The following ERBB4 variants were observed in gnomAD, a reference collection of about 807,000 sequenced individuals.
ERBB4 encodes the protein erb-b2 receptor tyrosine kinase 4.
ERBB4 carries 42 observed loss-of-function variants against 158.0 expected under a neutral mutation model. The observed-to-expected ratio is 0.27, with a 90% CI of 0.21 to 0.34. The LOEUF (loss-of-function observed/expected upper bound fraction) is 0.34. Ranked by LOEUF, ERBB4 falls within the 10% of genes least tolerant of loss-of-function variation. The probability of loss-of-function intolerance (pLI) is 1.00; values close to 1 mark genes in which losing one functional copy is unlikely to be tolerated. For synonymous variants in ERBB4, 583 were observed against 558.7 expected, an observed-to-expected ratio of 1.04 and a Z score of -0.61; for missense variants, 1,333 against 1,624.1, an observed-to-expected ratio of 0.82 and a Z score of 3.08.
At chr2:211,715,497 G>A (rs1467284940) in intron 7 of ERBB4, among the ~76,000 whole-genome samples, 1 of 152,166 alleles carries the variant, frequency 6.6e-6, no homozygotes, top group Non-Finnish European at 1.5e-5. Context: ...ATATGGTTTG[G>A]ATCTGTGTCC....
At chr2:211,443,857 A>T (rs933823092) in intron 20 of ERBB4, among the ~76,000 whole-genome samples, 1 of 152,138 alleles carries the variant, frequency 6.6e-6, no homozygotes, top group Admixed American at 6.6e-5. Flanking sequence ...TTCTTAGAAC[A>T]GTTAAGAGTA....
At chr2:211,897,802 G>A (rs1462957414) in intron 3 of ERBB4, among the ~76,000 whole-genome samples, 1 of 152,014 alleles carries the variant, frequency 6.6e-6, no homozygotes, top group Non-Finnish European at 1.5e-5. Context: ...GGAGTGCAGT[G>A]GCATAATCAT....
At chr2:212,187,759 T>A (rs2082057603) in intron 1 of ERBB4, among the ~76,000 whole-genome samples, 1 of 152,130 alleles carries the variant, frequency 6.6e-6, no homozygotes, top group Non-Finnish European at 1.5e-5. Flanking sequence ...AGCTAGTGTT[T>A]TAGAGGGTAG....
chr2:211,684,053 C>T (rs779726136), intron 12 of ERBB4, among the ~76,000 whole-genome samples: 8 of 151,986 alleles, frequency 5.3e-5, no homozygotes, highest in Non-Finnish European at 7.4e-5. Flanking sequence ...TATTTATTTG[C>T]TATTTAGTGC....
intron 20 of ERBB4, among the ~76,000 whole-genome samples, chr2:211,541,996 A>AG (rs1240202414): frequency 6.6e-6 from 1 of 151,342 alleles, no homozygotes; most frequent in Non-Finnish European, 1.5e-5. Context: ...TAATGGAGGT[A>AG]GGGTCCACAT....
chr2:212,307,621 A>T (rs1286840707), intron 1 of ERBB4, among the ~76,000 whole-genome samples: 1 of 150,950 alleles, frequency 6.6e-6, no homozygotes, highest in Non-Finnish European at 1.5e-5. Context: ...AAGCATAGAG[A>T]ATTGAGGAGA....
At position 211,602,204 on chromosome 2, in the gene ERBB4, C is replaced by T. The variant is rs905803027; in HGVS notation, c.2301+16973G>A. Among the ~76,000 whole-genome samples the T allele has an allele frequency of 3.3e-5, 5 of 152,054 alleles. No individual in the cohort carries two copies. The East Asian group carries it at 5.8e-4, about 18-fold the overall frequency. On this transcript the variant is annotated intron_variant, in intron 19 of 27. Coordinates refer to ENST00000342788, the MANE Select transcript of ERBB4 (RefSeq NM_005235.3). Reference sequence around the variant, plus strand: ...GGCCCAGGACCTGATTTGTCCTCTCCGACCTTAAAGTCTTGGCCTGATGAT... The same window carrying T: ...GGCCCAGGACCTGATTTGTCCTCTCTGACCTTAAAGTCTTGGCCTGATGAT...
intron 4 of ERBB4, among the ~76,000 whole-genome samples, chr2:211,768,040 C>G (rs2075596475): frequency 6.6e-6 from 1 of 152,216 alleles, no homozygotes; most frequent in South Asian, 2.1e-4. Context: ...TTCCTAGATA[C>G]AGTGGGGTTC....
intron 1 of ERBB4, among the ~76,000 whole-genome samples, chr2:212,198,249 T>G (rs903012263): frequency 6.6e-6 from 1 of 152,226 alleles, no homozygotes; most frequent in Non-Finnish European, 1.5e-5. Flanking sequence ...CATTTTTAGA[T>G]GTACAATTCA....
At chr2:212,230,494 C>A (rs1270666514) in intron 1 of ERBB4, among the ~76,000 whole-genome samples, 1 of 152,112 alleles carries the variant, frequency 6.6e-6, no homozygotes, top group African/African-American at 2.4e-5. Flanking sequence ...TTGCCAAATT[C>A]ATTGTCAAAC....
At chr2:211,601,619 C>G (rs1574838914) in intron 19 of ERBB4, among the ~76,000 whole-genome samples, 1 of 152,036 alleles carries the variant, frequency 6.6e-6, no homozygotes, top group African/African-American at 2.4e-5. Flanking sequence ...ACTGCAATAA[C>G]AGCAATACTG....
intron 20 of ERBB4, among the ~76,000 whole-genome samples, chr2:211,461,208 T>C (rs1051336640): frequency 1.3e-5 from 2 of 152,144 alleles, no homozygotes; most frequent in Admixed American, 6.6e-5. Context: ...ATTTTTTAAA[T>C]TATTGTAAGA....
chr2:212,167,093 G>A (rs1257965669), intron 1 of ERBB4, among the ~76,000 whole-genome samples: 1 of 151,964 alleles, frequency 6.6e-6, no homozygotes, highest in South Asian at 2.1e-4. Context: ...TTGACAAATG[G>A]GATCTAATTA....
intron 3 of ERBB4, among the ~76,000 whole-genome samples, chr2:211,933,734 C>G (rs1190474672): frequency 1.3e-5 from 2 of 151,996 alleles, no homozygotes; most frequent in African/African-American, 4.8e-5. Context: ...TTTATTCTCT[C>G]TGGGACTCAG....
At chr2:212,399,842 G>A (rs1451248852) in intron 1 of ERBB4, among the ~76,000 whole-genome samples, 1 of 151,836 alleles carries the variant, frequency 6.6e-6, no homozygotes, top group Non-Finnish European at 1.5e-5. Flanking sequence ...TCGTGCCACT[G>A]CACTCCAGCC....
intron 3 of ERBB4, among the ~76,000 whole-genome samples, chr2:211,905,647 CATATATATATATATATATATAT>C (rs56758130): frequency 1.1e-4 from 8 of 71,446 alleles, no homozygotes; most frequent in Non-Finnish European, 2.0e-4. Flanking sequence ...TAGGAAGGAT[CATATATATATATATATATATAT>C]ATATATATAT....
intron 12 of ERBB4, among the ~76,000 whole-genome samples, chr2:211,701,539 G>A (rs1424971275): frequency 1.3e-5 from 2 of 151,950 alleles, no homozygotes; most frequent in East Asian, 1.9e-4. Context: ...GGCGGATCAC[G>A]AGGTCAGGAA....
At chr2:212,154,300 T>C (rs1291789947) in intron 1 of ERBB4, among the ~76,000 whole-genome samples, 1 of 152,144 alleles carries the variant, frequency 6.6e-6, no homozygotes, top group African/African-American at 2.4e-5. Flanking sequence ...CAACAAACTT[T>C]GACCATGCCA....
chr2:212,182,111 A>G (rs945472730), intron 1 of ERBB4, among the ~76,000 whole-genome samples: 21 of 151,838 alleles, frequency 1.4e-4, no homozygotes, highest in African/African-American at 4.8e-4. Context: ...ATAATAGTTA[A>G]CATTCCCCAA....
Sources: gnomAD v4.1 joint callset for allele counts (sites outside exome capture counted in the v4.1 genomes callset) on GRCh38, gnomAD v4.1.1 for gene constraint, MANE v1.5 for transcripts, NCBI Gene and HGNC (gene_info 2026-07-23, HGNC 2026-07-21) for gene names.